The following ARHGAP15 variants were observed in gnomAD, a reference collection of about 807,000 sequenced individuals.
ARHGAP15 encodes rho GTPase-activating protein 15.
A neutral mutation model predicts 63.7 loss-of-function variants in ARHGAP15; 51 were observed. The ratio of observed to expected loss-of-function variants is 0.80; its 90% CI spans 0.64 to 1.01. ARHGAP15 has a LOEUF of 1.01. Among genes scored for constraint, ARHGAP15 ranks in the 50% least tolerant of loss-of-function variants. ARHGAP15 has a pLI of 0.00. For missense variants in ARHGAP15, 560 were observed against 564.6 expected, an observed-to-expected ratio of 0.99 and a Z score of 0.08; for synonymous variants, 191 against 193.8, an observed-to-expected ratio of 0.99 and a Z score of 0.12.
At chr2:143,451,017 A>G (rs1690381212) in intron 8 of ARHGAP15, among the ~76,000 whole-genome samples, 1 of 151,926 alleles carries the variant, frequency 6.6e-6, no homozygotes, top group South Asian at 2.1e-4. Flanking sequence ...ATTCACCTCA[A>G]GCCCTTTTGT....
At chr2:143,217,563 T>G (rs1404273576) in intron 4 of ARHGAP15, among the ~76,000 whole-genome samples, 1 of 152,172 alleles carries the variant, frequency 6.6e-6, no homozygotes, top group Non-Finnish European at 1.5e-5. Flanking sequence ...AATGCAAGGT[T>G]GCTTTAAGAG....
rs181876040 is a variant in ARHGAP15 at position 143,644,556 on chromosome 2, T to G, written c.1138+20289T>G. On this transcript the variant is annotated intron_variant, in intron 12 of 13. Coordinates refer to ENST00000295095, the MANE Select transcript of ARHGAP15 (RefSeq NM_018460.4). ...ACTCAGCATGCCAAAGGACCATACT[T>G]GGAGGTATCATGTTCTGAGCCCCAA... 5.9e-5 allele frequency among the ~76,000 whole-genome samples: 9 copies of G among 152,164 alleles called. No individual in the cohort carries two copies. The East Asian group carries it at 1.7e-3, about 30-fold the overall frequency.
intron 2 of ARHGAP15, among the ~76,000 whole-genome samples, chr2:143,185,963 AC>A (rs1691432471): frequency 6.6e-6 from 1 of 152,046 alleles, no homozygotes; most frequent in Non-Finnish European, 1.5e-5. Flanking sequence ...GGAAAAATAA[AC>A]CCCCACCAAA....
intron 6 of ARHGAP15, among the ~76,000 whole-genome samples, chr2:143,254,876 A>G (rs1281597061): frequency 6.6e-6 from 1 of 152,074 alleles, no homozygotes; most frequent in Non-Finnish European, 1.5e-5. Flanking sequence ...TTAAAAAAAA[A>G]AAAGTTATTT....
intron 13 of ARHGAP15, among the ~76,000 whole-genome samples, chr2:143,705,864 T>G (rs1684304404): frequency 6.6e-6 from 1 of 152,210 alleles, no homozygotes; most frequent in South Asian, 2.1e-4. Flanking sequence ...CGATCGTCCA[T>G]GTCCAGGCCA....
At chr2:143,156,835 G>A (rs1171476812) in intron 2 of ARHGAP15, among the ~76,000 whole-genome samples, 1 of 151,856 alleles carries the variant, frequency 6.6e-6, no homozygotes, top group Non-Finnish European at 1.5e-5. Flanking sequence ...TCTCCTGGGA[G>A]GTACAACACT....
intron 9 of ARHGAP15, chr2:143,519,023 A>G (rs759118822): frequency 1.5e-5 from 5 of 333,350 alleles, no homozygotes; most frequent in Non-Finnish European, 2.8e-5. Flanking sequence ...TATAACTTAC[A>G]TAGTCATCCC....
At chr2:143,156,524 A>C (rs1368737177) in intron 2 of ARHGAP15, among the ~76,000 whole-genome samples, 2 of 151,934 alleles carry the variant, frequency 1.3e-5, no homozygotes, top group African/African-American at 4.8e-5. Flanking sequence ...GTGTTCTGTT[A>C]ATATCATAGG....
At chr2:143,532,199 T>C (rs912971551) in intron 10 of ARHGAP15, among the ~76,000 whole-genome samples, 2 of 152,208 alleles carry the variant, frequency 1.3e-5, no homozygotes, top group Admixed American at 6.5e-5. Context: ...TGCATCCTTA[T>C]GAGAGAATTT....
chr2:143,679,883 C>T (rs922876818), intron 12 of ARHGAP15, among the ~76,000 whole-genome samples: 1 of 152,004 alleles, frequency 6.6e-6, no homozygotes, highest in African/African-American at 2.4e-5. Context: ...GACAAATTCA[C>T]CCTTTTGTGA....
intron 13 of ARHGAP15, among the ~76,000 whole-genome samples, chr2:143,740,701 G>A (rs975497128): frequency 1.3e-5 from 2 of 152,084 alleles, no homozygotes; most frequent in African/African-American, 4.8e-5. Context: ...TCTTATTGTA[G>A]AATAAATGTG....
At chr2:143,271,803 A>G (rs186632382) in intron 6 of ARHGAP15, among the ~76,000 whole-genome samples, 2 of 152,270 alleles carry the variant, frequency 1.3e-5, no homozygotes, top group Non-Finnish European at 2.9e-5. Context: ...ATACTTTCAA[A>G]TCTACTTGAG....
At chr2:143,638,496 T>A (rs1172383186) in intron 12 of ARHGAP15, among the ~76,000 whole-genome samples, 1 of 87,736 alleles carries the variant, frequency 1.1e-5, no homozygotes, top group Non-Finnish European at 2.1e-5. Context: ...CTCTGGGGAC[T>A]GTGGTGGGGT....
intron 11 of ARHGAP15, among the ~76,000 whole-genome samples, chr2:143,573,541 G>A (rs374758415): frequency 3.2e-4 from 48 of 152,228 alleles, no homozygotes; most frequent in South Asian, 1.0e-3. Flanking sequence ...TTGCAGAAGC[G>A]CCATTACTGT....
intron 6 of ARHGAP15, among the ~76,000 whole-genome samples, chr2:143,389,906 T>C (rs16822430): frequency 0.2 from 29,749 of 151,782 alleles, 3,554 homozygotes; most frequent in East Asian, 0.49. Context: ...AACTTTGCAA[T>C]GGCCCTACTC....
intron 6 of ARHGAP15, among the ~76,000 whole-genome samples, chr2:143,413,939 G>GTGTGTT: frequency 1.2e-5 from 1 of 83,454 alleles, no homozygotes; most frequent in African/African-American, 5.1e-5. Flanking sequence ...GTGTGTGTGT[G>GTGTGTT]TGTGTGTGTG....
chr2:143,660,668 G>A (rs1346222638), intron 12 of ARHGAP15, among the ~76,000 whole-genome samples: 1 of 152,182 alleles, frequency 6.6e-6, no homozygotes, highest in Non-Finnish European at 1.5e-5. Context: ...TTGAGTACCA[G>A]TATGATAAAT....
chr2:143,519,217 AC>A (rs776118802), intron 9 of ARHGAP15, 48 bp from the exon 10 acceptor site: 10 of 1,384,872 alleles, frequency 7.2e-6, no homozygotes, highest in Middle Eastern at 1.8e-4. Context: ...AAATTAAAGA[AC>A]AACGCAAGCT....
chr2:143,541,554 T>C (rs1218670636), intron 10 of ARHGAP15, among the ~76,000 whole-genome samples: 1 of 152,226 alleles, frequency 6.6e-6, no homozygotes, highest in African/African-American at 2.4e-5. Context: ...GATGGGTTTT[T>C]GGTGTGGATG....
Sources: gnomAD v4.1 joint callset for allele counts (sites outside exome capture counted in the v4.1 genomes callset) on GRCh38, gnomAD v4.1.1 for gene constraint, MANE v1.5 for transcripts, NCBI Gene and HGNC (gene_info 2026-07-23, HGNC 2026-07-21) for gene names.